Variants in DACT1 observed in about 807,000 individuals in gnomAD.
DACT1 encodes dishevelled binding antagonist of beta catenin 1, also known as dapper homolog 1.
In DACT1, 19 loss-of-function variants were observed where a neutral mutation model predicts 35.3. The ratio of observed to expected loss-of-function variants is 0.54; its 90% CI spans 0.38 to 0.79. DACT1 has a LOEUF of 0.79. DACT1 is among the 30% of genes least tolerant of loss of function. The probability of loss-of-function intolerance (pLI) is 0.00; values close to 1 mark genes in which losing one functional copy is unlikely to be tolerated. For missense variants in DACT1, 1,143 were observed against 1,057.5 expected, an observed-to-expected ratio of 1.08 and a Z score of -1.12; for synonymous variants, 545 against 466.7, an observed-to-expected ratio of 1.17 and a Z score of -2.16.
chr14:58,642,848 A>G (rs1426421972), intron 3 of DACT1, among the ~76,000 whole-genome samples: 2 of 152,238 alleles, frequency 1.3e-5, no homozygotes, highest in Non-Finnish European at 2.9e-5. Flanking sequence ...GGGTGCCCAC[A>G]TGCCATTATT....
At chr14:58,644,410 T>G (rs2140217071) in intron 3 of DACT1, among the ~76,000 whole-genome samples, 1 of 152,306 alleles carries the variant, frequency 6.6e-6, no homozygotes, top group Admixed American at 6.5e-5. Context: ...TTAAAAATTT[T>G]GTTGTAGAGA....
intron 3 of DACT1, chr14:58,645,147 A>T: frequency 1.2e-6 from 1 of 833,432 alleles, no homozygotes; most frequent in Non-Finnish European, 1.9e-6. Context: ...AGCACTTTTT[A>T]ATCCTTGGCA....
upstream of DACT1, chr14:58,637,949 C>T (rs1194224634): frequency 2.8e-5 from 6 of 216,376 alleles, no homozygotes; most frequent in South Asian, 1.8e-4. Flanking sequence ...CGTGACGTAG[C>T]GCCGGGCAGG....
At position 58,646,601 on chromosome 14, in the gene DACT1, C is replaced by T; in HGVS notation, c.1867C>T (p.His623Tyr). 6.3e-7 allele frequency: 1 copy of T among 1,596,660 alleles called. No individual in the cohort carries two copies. The highest frequency in any genetic ancestry group is 2.3e-5 in the East Asian group (1 of 43,900). The change falls in exon 4 of 4, where the codon CAC becomes TAC. Residue 623 changes from histidine to tyrosine, a missense_variant. By Grantham distance (83) the His-to-Tyr change is moderately conservative (BLOSUM62 2). Around this residue, in one of 3 missense-constraint regions of DACT1, gnomAD observed 1,054 missense variants for 958.8 expected, o/e 1.10. Coordinates refer to ENST00000395153, the MANE Select transcript of DACT1 (RefSeq NM_001079520.2). ...GHRAGSRAHG[H>Y]GREAVVAKPK... The stretch of plus-strand genomic sequence containing the variant: ...CAGGGCGGGGAGCAGGGCGCATGGC[C>T]ACGGACGGGAGGCGGTGGTGGCCAA...
rs561725184 is a variant in DACT1 at position 58,646,533 on chromosome 14, G to A, written c.1799G>A (p.Gly600Glu). 68 of 1,556,200 alleles carry A rather than the reference G, an allele frequency of 4.4e-5. 1 individual carries two copies. The South Asian group carries it at 7.5e-4, about 17-fold the overall frequency. Residue 600 changes from glycine to glutamate, a missense_variant, in exon 4 of 4, where the codon GGG becomes GAG. Gly to Glu is a moderately conservative substitution (Grantham distance 98). Transcript: ENST00000395153. ...ASSKGRKSGG[G>E]PEAGVPGRPA... ...TCCAAGGGGAGGAAGAGTGGGGGCG[G>A]GCCCGAGGCTGGTGTTCCCGGCAGG...
Position 58,646,594 on chromosome 14 carries a change from G to C in DACT1, c.1860G>C (p.Ala620=), listed in dbSNP as rs200252137. 3 of 1,588,914 alleles carry C rather than the reference G, an allele frequency of 1.9e-6. No homozygotes were observed. Among genetic ancestry groups the C allele is most frequent in the African/African-American group, 2.7e-5 (2 of 74,370 alleles). ...GGGGCCACAGGGCGGGGAGCAGGGC[G>C]CATGGCCACGGACGGGAGGCGGTGG... ...AGGGHRAGSR[A]HGHGREAVVA... is the part of the protein sequence containing the mutation. The change falls in exon 4 of 4, where the codon GCG becomes GCC. Residue 620 remains alanine (A), a synonymous_variant. Transcript: ENST00000395153.
rs2047693298 is a variant in DACT1 at position 58,646,793 on chromosome 14, TCCGAGTACTCGG to T, written c.2066_2077del (p.Tyr689_Glu692del). On this transcript the variant is annotated inframe_deletion, in exon 4 of 4. Transcript: ENST00000395153. ...CCCCTACGCCTACGTGGCTAGCGAC[TCCGAGTACTCGG>T]CCGAGTGCGAGTCCCTGTTCCACTC... 6.2e-7 allele frequency: 1 copy of T among 1,614,018 alleles called. No homozygotes were observed.
Position 58,645,753 on chromosome 14 carries a change from G to A in DACT1, c.1019G>A (p.Cys340Tyr), listed in dbSNP as rs1566509700. 1 of 1,614,260 alleles carries A rather than the reference G, an allele frequency of 6.2e-7. No individual in the cohort carries two copies. ...TKGLLRNGSVCVRAPGGVSQG... is the reference protein window; with the variant it reads ...TKGLLRNGSVYVRAPGGVSQG... Reference sequence around the variant, plus strand: ...GGGCTTCTGAGGAACGGGAGCGTTTGTGTCAGAGCCCCGGGCGGTGTCTCA... The same window carrying A: ...GGGCTTCTGAGGAACGGGAGCGTTTATGTCAGAGCCCCGGGCGGTGTCTCA... The change falls in exon 4 of 4, where the codon TGT becomes TAT. Residue 340 changes from cysteine to tyrosine, a missense_variant. Physicochemically the swap from Cys to Tyr is radical, Grantham distance 194. Around this residue, in one of 3 missense-constraint regions of DACT1, gnomAD observed 1,054 missense variants for 958.8 expected, o/e 1.10. Coordinates refer to ENST00000395153, the MANE Select transcript of DACT1 (RefSeq NM_001079520.2).
chr14:58,639,740 A>C (rs1035134889), intron 1 of DACT1, among the ~76,000 whole-genome samples: 1 of 152,258 alleles, frequency 6.6e-6, no homozygotes, highest in African/African-American at 2.4e-5. Flanking sequence ...GTGTTTTGTA[A>C]GGATGTACAC....
Position 58,640,875 on chromosome 14 carries a change from G to T in DACT1, c.478+7G>T. ...GACAGTCGGCCTAGCTCAGGTGAGT[G>T]ATTGAGCACAAGGACAGAATTCTGC... On this transcript the variant is annotated splice_region_variant and intron_variant, in intron 2 of 3. Coordinates refer to ENST00000395153, the MANE Select transcript of DACT1 (RefSeq NM_001079520.2). 1 of 1,614,094 alleles carries T rather than the reference G, an allele frequency of 6.2e-7. No individual in the cohort carries two copies. Among genetic ancestry groups the T allele is most frequent in the Non-Finnish European group, 8.5e-7 (1 of 1,179,982 alleles).
chr14:58,638,739 C>T (rs1300112472), intron 1 of DACT1, 192 bp downstream of exon 1: 46 of 1,187,106 alleles, frequency 3.9e-5, no homozygotes, highest in Non-Finnish European at 4.2e-5. Context: ...GACGCCCACG[C>T]GTTTCTGGCG....
upstream of DACT1, among the ~76,000 whole-genome samples, chr14:58,634,392 C>CT (rs549519621): frequency 1.2e-3 from 180 of 152,292 alleles, no homozygotes; most frequent in Middle Eastern, 3.4e-3. Context: ...TACCACGCTT[C>CT]TTTTTTCTTG....
At chr14:58,635,345 A>C (rs1205076122), upstream of DACT1, among the ~76,000 whole-genome samples, 2 of 152,208 alleles carry the variant, frequency 1.3e-5, no homozygotes, top group Non-Finnish European at 2.9e-5. Context: ...TAAAAAGAGA[A>C]TAGGGGCAAC....
Position 58,638,090 on chromosome 14 carries a change from C to T in DACT1, c.-113C>T. 2 of 1,122,070 alleles carry T rather than the reference C, an allele frequency of 1.8e-6. No homozygotes were observed. Among genetic ancestry groups the T allele is most frequent in the South Asian group, 4.5e-5 (1 of 22,070 alleles). 69.5% of individuals were successfully genotyped at this position (1,122,070 alleles called of 1,614,324 possible). On this transcript the variant is annotated 5_prime_UTR_variant, in exon 1 of 4. Transcript: ENST00000395153. ...TTCTAGCCACCGTCCCCGCCAGCGC[C>T]GCGCCCCGCCACAGGGCGGCATGAG...
intron 3 of DACT1, 93 bp from the exon 4 acceptor site, chr14:58,645,276 A>T (rs758883831): frequency 5.0e-6 from 8 of 1,613,986 alleles, no homozygotes; most frequent in Non-Finnish European, 6.8e-6. Context: ...GGATTGTTGG[A>T]ATATAAAGAA....
rs1257372980 is a variant in DACT1, at chr14:58,646,790, G to A, written c.2056G>A (p.Asp686Asn). The change falls in exon 4 of 4, where the codon GAC becomes AAC. Residue 686 changes from aspartate to asparagine, a missense_variant. By Grantham distance (23) the Asp-to-Asn change is conservative. Transcript: ENST00000395153. ...YASPYAYVASDSEYSAECESL... is the reference protein window; with the variant it reads ...YASPYAYVASNSEYSAECESL... ...CAGCCCCTACGCCTACGTGGCTAGC[G>A]ACTCCGAGTACTCGGCCGAGTGCGA... The A allele has an allele frequency of 6.2e-7, 1 of 1,614,148 alleles. No homozygotes were observed. The highest frequency in any genetic ancestry group is 8.5e-7 in the Non-Finnish European group (1 of 1,180,022).
chr14:58,637,607 T>C (rs911319857), upstream of DACT1, among the ~76,000 whole-genome samples: 1 of 152,134 alleles, frequency 6.6e-6, no homozygotes, highest in African/African-American at 2.4e-5. Context: ...CCGCGTCCCG[T>C]CGCGGCCCCT....
In DACT1 at chr14:58,646,555, C is replaced by A; in HGVS notation, c.1821C>A (p.Gly607=). 2 of 1,556,384 alleles carry A rather than the reference C, an allele frequency of 1.3e-6. No individual in the cohort carries two copies. Among genetic ancestry groups the A allele is most frequent in the Non-Finnish European group, 1.7e-6 (2 of 1,153,292 alleles). The change falls in exon 4 of 4, where the codon GGC becomes GGA. Residue 607 remains glycine, a synonymous_variant. Transcript: ENST00000395153. ...GCGGGCCCGAGGCTGGTGTTCCCGG[C>A]AGGCCCGCGGGCGGGGGCCACAGGG... is the stretch of plus-strand genomic sequence containing the variant. ...SGGGPEAGVP[G]RPAGGGHRAG...
chr14:58,644,363 C>G (rs1208174938), intron 3 of DACT1, among the ~76,000 whole-genome samples: 2 of 152,068 alleles, frequency 1.3e-5, no homozygotes, highest in Non-Finnish European at 2.9e-5. Context: ...AAAATCTTAT[C>G]AAGAATTCTT....
Sources: gnomAD v4.1 joint callset for allele counts (sites outside exome capture counted in the v4.1 genomes callset) on GRCh38, gnomAD v4.1.1 for gene constraint, gnomAD v4.1.1 regional missense constraint, MANE v1.5 for transcripts, NCBI Gene and HGNC (gene_info 2026-07-23, HGNC 2026-07-21) for gene names.